The following RAP1GDS1 variants were observed in gnomAD, a reference collection of about 807,000 sequenced individuals.
RAP1GDS1 encodes RAP1, GTP-GDP dissociation stimulator 1.
In RAP1GDS1, 35 loss-of-function variants were observed where a neutral mutation model predicts 71.1. That is an observed-to-expected ratio of 0.49 (90% CI 0.38 to 0.65). The LOEUF is 0.65. Among genes scored for constraint, RAP1GDS1 ranks in the 30% least tolerant of loss-of-function variants. The probability of loss-of-function intolerance (pLI) is 0.00; values close to 1 mark genes in which losing one functional copy is unlikely to be tolerated. For synonymous variants in RAP1GDS1, 229 were observed against 243.1 expected (o/e 0.94, Z 0.54); for missense variants, 663 against 706.1 (o/e 0.94, Z 0.69).
chr4:98,323,797 C>G (rs1389470903), intron 2 of RAP1GDS1, among the ~76,000 whole-genome samples: 1 of 151,344 alleles, frequency 6.6e-6, no homozygotes, highest in Non-Finnish European at 1.5e-5. Context: ...CTATCTATGA[C>G]AAACCCACAG....
intron 5 of RAP1GDS1, among the ~76,000 whole-genome samples, chr4:98,380,677 T>C (rs1029922663): frequency 4.0e-5 from 6 of 151,840 alleles, no homozygotes; most frequent in African/African-American, 1.4e-4. Context: ...TACATAGGTG[T>C]CTGAATTGCA....
At chr4:98,309,657 G>A (rs963887246) in intron 2 of RAP1GDS1, among the ~76,000 whole-genome samples, 2 of 151,840 alleles carry the variant, frequency 1.3e-5, no homozygotes, top group African/African-American at 2.4e-5. Context: ...ATAGATTCTA[G>A]TTGAAGAAAT....
chr4:98,319,818 A>G (rs925208509), intron 2 of RAP1GDS1, among the ~76,000 whole-genome samples: 11 of 151,028 alleles, frequency 7.3e-5, no homozygotes, highest in Non-Finnish European at 1.2e-4. Flanking sequence ...TTGGCGTTTG[A>G]ACTACACAGG....
chr4:98,362,226 T>A (rs928589478), intron 4 of RAP1GDS1, among the ~76,000 whole-genome samples: 15 of 152,174 alleles, frequency 9.9e-5, no homozygotes, highest in Admixed American at 6.5e-4. Context: ...ACAGCTGTGA[T>A]CCTAACATTT....
chr4:98,261,446 C>G lies in RAP1GDS1; in HGVS notation c.-120C>G. On this transcript the variant is annotated 5_prime_UTR_variant, in exon 1 of 15. Transcript: ENST00000408927. Reference sequence around the variant, plus strand: ...CCAGCTGCTCCTCCCCGGCGGCCGCCCCCCGCGGGTCCCTCCCTGGCTGCG... The same window carrying G: ...CCAGCTGCTCCTCCCCGGCGGCCGCGCCCCGCGGGTCCCTCCCTGGCTGCG... The G allele has an allele frequency of 9.4e-7, 1 of 1,067,786 alleles. No individual in the cohort carries two copies. Among genetic ancestry groups the G allele is most frequent in the African/African-American group, 1.7e-5 (1 of 60,500 alleles). 66.1% of individuals were successfully genotyped at this position (1,067,786 alleles called of 1,614,324 possible). A position where few individuals can be genotyped will look rare whatever the true frequency, so the allele number is the denominator to read the frequency against.
chr4:98,300,750 A>G (rs2110295599), intron 2 of RAP1GDS1, among the ~76,000 whole-genome samples: 1 of 152,278 alleles, frequency 6.6e-6, no homozygotes, highest in East Asian at 1.9e-4. Context: ...CAAAAAACAA[A>G]CAAACAAAAA....
At chr4:98,424,850 A>G (rs923643905) in intron 12 of RAP1GDS1, among the ~76,000 whole-genome samples, 3 of 152,214 alleles carry the variant, frequency 2.0e-5, no homozygotes, top group African/African-American at 4.8e-5. Flanking sequence ...CAGTCTTGCT[A>G]GAGACCTAGA....
rs181678596 is a variant in RAP1GDS1, at chr4:98,318,464, C to T, written c.113-24675C>T. On this transcript the variant is annotated intron_variant, in intron 2 of 14. Transcript: ENST00000408927. Reference sequence around the variant, plus strand: ...GAACAATATACTGTAATAAAAGTTACGTGAATGTGTACTCGCTCTCCTCCC... The same window carrying T: ...GAACAATATACTGTAATAAAAGTTATGTGAATGTGTACTCGCTCTCCTCCC... Among the ~76,000 whole-genome samples the T allele has an allele frequency of 1.2e-3, 186 of 152,220 alleles. 1 individual carries two copies. In the South Asian group the frequency reaches 0.018, roughly 15 times the overall value.
At chr4:98,265,155 T>C (rs1181791056) in intron 1 of RAP1GDS1, among the ~76,000 whole-genome samples, 1 of 152,206 alleles carries the variant, frequency 6.6e-6, no homozygotes, top group Non-Finnish European at 1.5e-5. Flanking sequence ...TGTTGGAGTT[T>C]GGACGAAAAT....
chr4:98,384,074 T>C (rs1436555114), intron 5 of RAP1GDS1, among the ~76,000 whole-genome samples: 1 of 151,644 alleles, frequency 6.6e-6, no homozygotes, highest in Non-Finnish European at 1.5e-5. Context: ...ATTGTATCTT[T>C]GCAATTTATT....
chr4:98,291,627 G>A (rs543781979), intron 1 of RAP1GDS1, among the ~76,000 whole-genome samples: 1 of 152,218 alleles, frequency 6.6e-6, no homozygotes, highest in African/African-American at 2.4e-5. Context: ...AATTAATAAA[G>A]TCTAGAGTTA....
At chr4:98,378,979 TTTTTC>T (rs1741581107) in intron 4 of RAP1GDS1, 33 bp from the exon 5 acceptor site, 1 of 1,508,268 alleles carries the variant, frequency 6.6e-7, no homozygotes. Flanking sequence ...GTACATTTCT[TTTTTC>T]TTTTATTTTT....
rs537910338 is a variant in RAP1GDS1, at chr4:98,429,995, C to G, written c.1441-3941C>G. 6.9e-4 allele frequency among the ~76,000 whole-genome samples: 105 copies of G among 152,034 alleles called. 2 individuals carry two copies. Among genetic ancestry groups the G allele is most frequent in the African/African-American group, 2.4e-3 (100 of 41,464 alleles). ...TCTTAGAAACATCTGAATTTAGGAG[C>G]CAGAACTACTTAAATGCTATAATAT... On this transcript the variant is annotated intron_variant, in intron 12 of 14. Coordinates refer to ENST00000408927, the MANE Select transcript of RAP1GDS1 (RefSeq NM_001100427.2).
chr4:98,278,115 C>T (rs1323485928), intron 1 of RAP1GDS1, among the ~76,000 whole-genome samples: 3 of 152,124 alleles, frequency 2.0e-5, no homozygotes, highest in African/African-American at 7.2e-5. Context: ...ATGAGAATCA[C>T]GTGAACCCGG....
At chr4:98,275,223 C>G (rs1005370184) in intron 1 of RAP1GDS1, among the ~76,000 whole-genome samples, 9 of 152,178 alleles carry the variant, frequency 5.9e-5, no homozygotes, top group Non-Finnish European at 8.8e-5. Flanking sequence ...AATTCACATA[C>G]TACTTTAAAT....
intron 1 of RAP1GDS1, among the ~76,000 whole-genome samples, chr4:98,276,532 T>C (rs957061452): frequency 2.0e-5 from 3 of 152,008 alleles, no homozygotes; most frequent in African/African-American, 7.2e-5. Flanking sequence ...TTTATTTCCA[T>C]GAAGATGGCT....
At chr4:98,325,560 G>A (rs1387606685) in intron 2 of RAP1GDS1, among the ~76,000 whole-genome samples, 3 of 150,520 alleles carry the variant, frequency 2.0e-5, no homozygotes, top group African/African-American at 7.3e-5. Context: ...AAGAAAATGT[G>A]GCACATATAC....
chr4:98,440,690 G>C (rs1029990467), intron 14 of RAP1GDS1, among the ~76,000 whole-genome samples: 3 of 151,998 alleles, frequency 2.0e-5, no homozygotes, highest in Non-Finnish European at 4.4e-5. Flanking sequence ...GAATTGAAGG[G>C]TGTTGTTGTT....
chr4:98,376,595 T>TA (rs922123176), intron 4 of RAP1GDS1, among the ~76,000 whole-genome samples: 21 of 151,930 alleles, frequency 1.4e-4, no homozygotes, highest in Non-Finnish European at 2.7e-4. Context: ...TAAATATTTT[T>TA]AAAAAAATGC....
Sources: allele counts gnomAD v4.1 joint callset (sites outside exome capture counted in the v4.1 genomes callset), GRCh38; gene constraint gnomAD v4.1.1; transcripts MANE v1.5; gene names NCBI Gene and HGNC (gene_info 2026-07-23, HGNC 2026-07-21).